Variants in CHCHD6 observed in about 807,000 individuals in gnomAD.
CHCHD6 encodes coiled-coil-helix-coiled-coil-helix domain containing 6.
CHCHD6 carries 28 observed loss-of-function variants against 32.3 expected under a neutral mutation model. The observed-to-expected ratio is 0.87, with a 90% confidence interval of 0.64 to 1.19. The LOEUF is 1.19. CHCHD6 is among the 50% of genes most tolerant of loss of function. CHCHD6 has a pLI of 0.00. For missense variants in CHCHD6, 333 were observed against 307.0 expected, an observed-to-expected ratio of 1.08 and a Z score of -0.63; for synonymous variants, 122 against 117.5, an observed-to-expected ratio of 1.04 and a Z score of -0.25.
intron 5 of CHCHD6, among the ~76,000 whole-genome samples, chr3:126,876,221 A>G (rs1022988238): frequency 6.6e-6 from 1 of 152,240 alleles, no homozygotes; most frequent in Non-Finnish European, 1.5e-5. Context: ...CTTTCTAATC[A>G]CATATTCAGG....
intron 4 of CHCHD6, among the ~76,000 whole-genome samples, chr3:126,805,303 C>T (rs531431875): frequency 6.6e-6 from 1 of 152,292 alleles, no homozygotes; most frequent in Admixed American, 6.5e-5. Flanking sequence ...TAGAAAACCC[C>T]ATCATCTCAG....
intron 4 of CHCHD6, among the ~76,000 whole-genome samples, chr3:126,790,110 T>C (rs946162288): frequency 3.9e-5 from 6 of 152,164 alleles, no homozygotes; most frequent in African/African-American, 1.4e-4. Flanking sequence ...TATGAAATTC[T>C]GGGTTGAAAA....
chr3:126,952,209 G>T lies in CHCHD6; in HGVS notation c.567-5207G>T, dbSNP rs2078725141. Among the ~76,000 whole-genome samples, 4 of 152,206 alleles carry T rather than the reference G, an allele frequency of 2.6e-5. No individual in the cohort carries two copies. In the South Asian group the frequency reaches 8.3e-4, roughly 32 times the overall value. ...AGTGAAAACAAGGGCATGGGCTAGG[G>T]CTCTCCTGTAGGCTAGACTTGGGAG... On this transcript the variant is annotated intron_variant, in intron 6 of 7. Transcript: ENST00000290913.
intron 4 of CHCHD6, among the ~76,000 whole-genome samples, chr3:126,743,831 T>G (rs954634564): frequency 1.3e-5 from 2 of 152,198 alleles, no homozygotes; most frequent in Non-Finnish European, 2.9e-5. Flanking sequence ...TCTGAGAGTT[T>G]TGGGGTTTCT....
Position 126,733,111 on chromosome 3 carries a change from G to C in CHCHD6, c.300G>C (p.Lys100Asn), listed in dbSNP as rs1383491443. Residue 100 changes from lysine (K) to asparagine (N), a missense_variant, in exon 4 of 8, where the codon AAG (lysine) becomes AAC (asparagine). Coordinates refer to ENST00000290913, the MANE Select transcript of CHCHD6 (RefSeq NM_032343.3). ...YEQEHAAIQD[K>N]LFQVAKRERE... ...AGGAGCATGCTGCTATCCAGGATAA[G>C]CTCTTCCAGGTGGCAAAGAGGGAAA... The C allele has an allele frequency of 6.2e-7, 1 of 1,614,246 alleles. No homozygotes were observed. Among genetic ancestry groups the C allele is most frequent in the Admixed American group, 1.7e-5 (1 of 60,032 alleles).
At chr3:126,900,448 C>T (rs542790629) in intron 5 of CHCHD6, among the ~76,000 whole-genome samples, 60 of 152,238 alleles carry the variant, frequency 3.9e-4, no homozygotes, top group African/African-American at 1.4e-3. Flanking sequence ...AATTGGCTCA[C>T]GGTTCTGCCA....
chr3:126,891,717 G>T (rs910568563), intron 5 of CHCHD6, among the ~76,000 whole-genome samples: 2 of 152,112 alleles, frequency 1.3e-5, no homozygotes, highest in African/African-American at 4.8e-5. Context: ...GAAGTGCTTG[G>T]GCTTGAAATG....
chr3:126,767,409 C>G (rs1937419776), intron 4 of CHCHD6: 1 of 737,372 alleles, frequency 1.4e-6, no homozygotes, highest in African/African-American at 1.7e-5. Flanking sequence ...CTGGGGGCTC[C>G]TACTCTCTTG....
chr3:126,820,601 A>G (rs999436039), intron 4 of CHCHD6, among the ~76,000 whole-genome samples: 4 of 152,178 alleles, frequency 2.6e-5, no homozygotes, highest in Admixed American at 6.5e-5. Context: ...CTATACCACA[A>G]TTTATAATGC....
At chr3:126,935,598 C>T (rs772369836) in intron 6 of CHCHD6, among the ~76,000 whole-genome samples, 3 of 152,206 alleles carry the variant, frequency 2.0e-5, no homozygotes, top group Non-Finnish European at 4.4e-5. Flanking sequence ...CAGCTCAAAA[C>T]CGTGTGCGGC....
chr3:126,764,098 A>T (rs1040504800), intron 4 of CHCHD6, among the ~76,000 whole-genome samples: 4 of 150,340 alleles, frequency 2.7e-5, no homozygotes, highest in African/African-American at 9.8e-5. Flanking sequence ...TAGATTTATA[A>T]TTTTTTTGTT....
intron 6 of CHCHD6, among the ~76,000 whole-genome samples, chr3:126,950,594 G>T (rs1392920941): frequency 6.6e-6 from 1 of 152,180 alleles, no homozygotes; most frequent in African/African-American, 2.4e-5. Context: ...GGGATTACAG[G>T]CCCTCACCAC....
rs560884118 is a variant in CHCHD6 at position 126,954,080 on chromosome 3, C to G, written c.567-3336C>G. Among the ~76,000 whole-genome samples, 84 of 152,294 alleles carry G rather than the reference C, an allele frequency of 5.5e-4. No homozygotes were observed. The South Asian group carries it at 9.3e-3, about 17-fold the overall frequency. ...TCTCCCTGTCTTATCCCATTCAGAG[C>G]CTTTTTGTGGACAAATGGGTGAAAT... On this transcript the variant is annotated intron_variant, in intron 6 of 7. Coordinates refer to ENST00000290913, the MANE Select transcript of CHCHD6 (RefSeq NM_032343.3).
intron 4 of CHCHD6, among the ~76,000 whole-genome samples, chr3:126,758,004 T>C (rs1195041509): frequency 1.3e-5 from 2 of 152,202 alleles, no homozygotes; most frequent in Non-Finnish European, 2.9e-5. Flanking sequence ...GGTCTTTTAG[T>C]GGAAGGCAGG....
intron 1 of CHCHD6, among the ~76,000 whole-genome samples, chr3:126,725,735 C>G (rs1191202395): frequency 6.6e-6 from 1 of 152,240 alleles, no homozygotes; most frequent in Non-Finnish European, 1.5e-5. Context: ...TGCAGCCTCT[C>G]CATCAGCACT....
chr3:126,811,619 A>G (rs2107531624), intron 4 of CHCHD6, among the ~76,000 whole-genome samples: 1 of 151,938 alleles, frequency 6.6e-6, no homozygotes, highest in Middle Eastern at 3.4e-3. Flanking sequence ...ACTCCAGTGG[A>G]CCAGCAGCAA....
At chr3:126,901,467 A>G (rs1467161820) in intron 5 of CHCHD6, among the ~76,000 whole-genome samples, 2 of 152,182 alleles carry the variant, frequency 1.3e-5, no homozygotes, top group Admixed American at 1.3e-4. Flanking sequence ...GCTGTAGTCC[A>G]CTTCTCTAGA....
chr3:126,906,568 T>G (rs553765051), intron 5 of CHCHD6, among the ~76,000 whole-genome samples: 212 of 152,320 alleles, frequency 1.4e-3, no homozygotes, highest in Non-Finnish European at 2.3e-3. Flanking sequence ...AGTCTTGACT[T>G]ACTTTTCTCG....
chr3:126,879,684 T>G (rs2077583746), intron 5 of CHCHD6, among the ~76,000 whole-genome samples: 2 of 152,180 alleles, frequency 1.3e-5, no homozygotes, highest in Admixed American at 6.5e-5. Context: ...ACTGGGGTAA[T>G]TGGAAAAATC....
Sources: allele counts gnomAD v4.1 joint callset (sites outside exome capture counted in the v4.1 genomes callset), GRCh38; gene constraint gnomAD v4.1.1; transcripts MANE v1.5; gene names NCBI Gene and HGNC (gene_info 2026-07-23, HGNC 2026-07-21).